Variants in PTPRD observed in about 807,000 individuals in gnomAD.
PTPRD encodes protein tyrosine phosphatase receptor type D, also known as receptor-type tyrosine-protein phosphatase delta.
Under a neutral mutation model 214.5 loss-of-function variants are expected in PTPRD, and 34 were observed. The observed-to-expected ratio is 0.16, with a 90% CI of 0.12 to 0.21. The LOEUF (loss-of-function observed/expected upper bound fraction) is 0.21. PTPRD is among the 10% of genes least tolerant of loss of function. PTPRD has a pLI of 1.00. For missense variants in PTPRD, 2,545 were observed against 2,398.7 expected, an observed-to-expected ratio of 1.06 and a Z score of -1.27; for synonymous variants, 1,128 against 845.7, an observed-to-expected ratio of 1.33 and a Z score of -5.79.
chr9:10,348,778 A>G (rs2097132660), intron 2 of PTPRD, among the ~76,000 whole-genome samples: 1 of 152,182 alleles, frequency 6.6e-6, no homozygotes, highest in Non-Finnish European at 1.5e-5. Context: ...TCACTAAGCT[A>G]AAAGGAAAAG....
At chr9:9,033,474 T>C (rs1569478171) in intron 10 of PTPRD, among the ~76,000 whole-genome samples, 1 of 152,020 alleles carries the variant, frequency 6.6e-6, no homozygotes, top group Non-Finnish European at 1.5e-5. Flanking sequence ...CAGAAGAACA[T>C]CCAACCGCAG....
intron 11 of PTPRD, among the ~76,000 whole-genome samples, chr9:8,818,165 C>T (rs1374897544): frequency 2.0e-5 from 3 of 151,994 alleles, no homozygotes; most frequent in African/African-American, 7.2e-5. Context: ...ACATCAGAAG[C>T]CAAAGGTTTA....
intron 5 of PTPRD, among the ~76,000 whole-genome samples, chr9:9,854,442 A>C (rs965281011): frequency 2.0e-5 from 3 of 152,160 alleles, no homozygotes; most frequent in African/African-American, 7.2e-5. Context: ...TGAATCATAT[A>C]AAGTTTGTCA....
chr9:9,851,493 A>C (rs1021198055), intron 5 of PTPRD, among the ~76,000 whole-genome samples: 1 of 152,274 alleles, frequency 6.6e-6, no homozygotes, highest in African/African-American at 2.4e-5. Context: ...TGCAGGGCCT[A>C]AAGATTCACA....
At chr9:8,852,313 G>C (rs1254921826) in intron 11 of PTPRD, among the ~76,000 whole-genome samples, 6 of 152,184 alleles carry the variant, frequency 3.9e-5, no homozygotes, top group Non-Finnish European at 7.3e-5. Flanking sequence ...CATGCAACTG[G>C]CAGAGTTACG....
At chr9:10,091,331 G>C (rs1055435678) in intron 3 of PTPRD, among the ~76,000 whole-genome samples, 9 of 151,428 alleles carry the variant, frequency 5.9e-5, no homozygotes, top group Non-Finnish European at 1.0e-4. Flanking sequence ...TCATTGAGAA[G>C]AGTTAATTAT....
chr9:10,577,991 A>G (rs1226303279), intron 2 of PTPRD, among the ~76,000 whole-genome samples: 1 of 150,924 alleles, frequency 6.6e-6, no homozygotes, highest in Non-Finnish European at 1.5e-5. Context: ...GGCTCACTGC[A>G]ACCTCCGCCT....
chr9:9,787,154 A>AG (rs2098930860), intron 5 of PTPRD, among the ~76,000 whole-genome samples: 1 of 151,838 alleles, frequency 6.6e-6, no homozygotes, highest in Non-Finnish European at 1.5e-5. Context: ...TAAAAAAAAA[A>AG]TACATAAAAA....
At chr9:9,760,847 G>A (rs1362270533) in intron 6 of PTPRD, among the ~76,000 whole-genome samples, 3 of 152,088 alleles carry the variant, frequency 2.0e-5, no homozygotes. Flanking sequence ...TTAATTCAAT[G>A]AGATATCAGT....
At chr9:8,345,784 C>T (rs999049589) in intron 39 of PTPRD, among the ~76,000 whole-genome samples, 3 of 151,990 alleles carry the variant, frequency 2.0e-5, no homozygotes, top group Non-Finnish European at 2.9e-5. Context: ...TACTGGCATC[C>T]GTTCAGACTG....
chr9:8,378,457 C>G (rs557640254), intron 37 of PTPRD, among the ~76,000 whole-genome samples: 1 of 152,110 alleles, frequency 6.6e-6, no homozygotes, highest in African/African-American at 2.4e-5. Flanking sequence ...ATGCCAAAGG[C>G]TTTGTTTTAA....
chr9:9,497,297 T>C (rs537425213), intron 8 of PTPRD, among the ~76,000 whole-genome samples: 42 of 152,312 alleles, frequency 2.8e-4, no homozygotes, highest in African/African-American at 9.4e-4. Context: ...GTAAATGAGA[T>C]AGTAGTGGGA....
chr9:8,557,311 T>C (rs12347603), intron 14 of PTPRD, among the ~76,000 whole-genome samples: 22,536 of 151,476 alleles, frequency 0.15, 5,178 homozygotes, highest in African/African-American at 0.5. Context: ...CAGTGTCTGA[T>C]ATGCAGCAAG....
chr9:9,715,290 T>C (rs1448103969), intron 7 of PTPRD, among the ~76,000 whole-genome samples: 1 of 152,182 alleles, frequency 6.6e-6, no homozygotes, highest in Non-Finnish European at 1.5e-5. Flanking sequence ...CAACTCTAAA[T>C]TCTCAAGGCT....
chr9:9,956,573 G>T (rs952674401), intron 4 of PTPRD, among the ~76,000 whole-genome samples: 1 of 151,918 alleles, frequency 6.6e-6, no homozygotes, highest in South Asian at 2.1e-4. Flanking sequence ...TTGTTATGTG[G>T]TTTATCATTT....
intron 2 of PTPRD, among the ~76,000 whole-genome samples, chr9:10,591,855 C>G (rs2075531223): frequency 6.6e-6 from 1 of 152,078 alleles, no homozygotes; most frequent in Non-Finnish European, 1.5e-5. Flanking sequence ...AGCAAGCCCA[C>G]ATGGCAAGGT....
At chr9:8,900,087 T>G (rs1208452585) in intron 11 of PTPRD, among the ~76,000 whole-genome samples, 1 of 152,196 alleles carries the variant, frequency 6.6e-6, no homozygotes, top group Non-Finnish European at 1.5e-5. Context: ...AATGGACTAT[T>G]CTATTCAACG....
intron 5 of PTPRD, among the ~76,000 whole-genome samples, chr9:9,887,166 A>T (rs569689451): frequency 1.3e-5 from 2 of 152,200 alleles, no homozygotes; most frequent in East Asian, 3.9e-4. Flanking sequence ...TTCAACTTTC[A>T]TATTTTTTCT....
chr9:8,550,920 C>T (rs369760418), intron 14 of PTPRD, among the ~76,000 whole-genome samples: 3 of 152,274 alleles, frequency 2.0e-5, no homozygotes, highest in Admixed American at 1.3e-4. Flanking sequence ...GGCCTGTCTT[C>T]GACAGTGAGC....
Sources: allele counts gnomAD v4.1 joint callset (sites outside exome capture counted in the v4.1 genomes callset), GRCh38; gene constraint gnomAD v4.1.1; transcripts MANE v1.5; gene names NCBI Gene and HGNC (gene_info 2026-07-23, HGNC 2026-07-21).